Variants in CSMD1 observed in about 807,000 individuals in gnomAD.
CSMD1 encodes CUB and sushi domain-containing protein 1.
Under a neutral mutation model 417.5 loss-of-function variants are expected in CSMD1, and 213 were observed. The observed-to-expected ratio is 0.51, with a 90% CI of 0.46 to 0.57. The LOEUF (loss-of-function observed/expected upper bound fraction) is 0.57. Ranked by LOEUF, CSMD1 falls within the 20% of genes least tolerant of loss-of-function variation. CSMD1 has a pLI of 0.00. For synonymous variants in CSMD1, 2,862 were observed against 1,736.8 expected (o/e 1.65, Z -16.11); for missense variants, 6,923 against 4,529.7 (o/e 1.53, Z -15.17).
chr8:4,299,126 A>G (rs1005098713), intron 3 of CSMD1, among the ~76,000 whole-genome samples: 5 of 152,200 alleles, frequency 3.3e-5, no homozygotes, highest in South Asian at 2.1e-4. Context: ...GAAAACATTA[A>G]AAGATCTTGC....
chr8:3,691,658 A>T (rs2129032977), intron 7 of CSMD1, among the ~76,000 whole-genome samples: 1 of 152,326 alleles, frequency 6.6e-6, no homozygotes, highest in South Asian at 2.1e-4. Context: ...CTTTCGTGGC[A>T]GGCACTGGGC....
chr8:3,684,675 G>A (rs1799854932), intron 7 of CSMD1, among the ~76,000 whole-genome samples: 2 of 147,434 alleles, frequency 1.4e-5, no homozygotes, highest in South Asian at 4.3e-4. Flanking sequence ...TCCGCTCACT[G>A]CTAGCTCCGC....
chr8:4,093,289 C>G (rs907989034), intron 3 of CSMD1, among the ~76,000 whole-genome samples: 1 of 152,042 alleles, frequency 6.6e-6, no homozygotes, highest in East Asian at 1.9e-4. Flanking sequence ...AATAATTTAT[C>G]CTATACAATT....
At chr8:4,731,786 T>C (rs1290684304) in intron 1 of CSMD1, among the ~76,000 whole-genome samples, 3 of 152,134 alleles carry the variant, frequency 2.0e-5, no homozygotes, top group Admixed American at 2.0e-4. Context: ...TACCACCTAC[T>C]CTATTTATTT....
chr8:3,396,596 T>A (rs1035617619), intron 16 of CSMD1, among the ~76,000 whole-genome samples: 1 of 152,198 alleles, frequency 6.6e-6, no homozygotes, highest in South Asian at 2.1e-4. Flanking sequence ...TCTTATCTAA[T>A]ATTCTGTCTT....
intron 7 of CSMD1, among the ~76,000 whole-genome samples, chr8:3,676,119 A>G (rs1799361759): frequency 6.6e-6 from 1 of 152,230 alleles, no homozygotes; most frequent in Non-Finnish European, 1.5e-5. Flanking sequence ...AATGCTTGTT[A>G]TAAGATACTA....
chr8:3,734,495 G>A (rs576752348), intron 6 of CSMD1, among the ~76,000 whole-genome samples: 2 of 152,322 alleles, frequency 1.3e-5, no homozygotes, highest in Non-Finnish European at 1.5e-5. Context: ...TGGATCCCTT[G>A]ACGTCAGGAG....
chr8:4,555,580 A>G (rs1488410474), intron 2 of CSMD1, among the ~76,000 whole-genome samples: 1 of 152,102 alleles, frequency 6.6e-6, no homozygotes, highest in African/African-American at 2.4e-5. Context: ...GATCATTGAT[A>G]CCTCACTTTG....
Position 3,973,055 on chromosome 8 carries a change from G to A in CSMD1, c.818+24848C>T, listed in dbSNP as rs376458329. 1.4e-4 allele frequency among the ~76,000 whole-genome samples: 22 copies of A among 152,332 alleles called. No homozygotes were observed. In the South Asian group the frequency reaches 3.9e-3, roughly 27 times the overall value. On this transcript the variant is annotated intron_variant, in intron 5 of 69. Transcript: ENST00000635120. ...TACCAATAAGATCACAGATAAGTGT[G>A]CTTTGATAACAAATGTTTGTTTTAC...
intron 17 of CSMD1, among the ~76,000 whole-genome samples, chr8:3,392,896 G>A (rs575083969): frequency 5.1e-4 from 78 of 152,130 alleles, no homozygotes; most frequent in African/African-American, 1.9e-3. Flanking sequence ...CTGGTATTCA[G>A]GCATTGGTTT....
In CSMD1 at chr8:3,243,816, ATTATAT is replaced by A. The variant is rs200045701; in HGVS notation, c.4154-13591_4154-13586del. Among the ~76,000 whole-genome samples, 1,511 of 151,248 alleles carry A rather than the reference ATTATAT, an allele frequency of 1.0e-2. 26 individuals are homozygous for A. Among genetic ancestry groups the A allele is most frequent in the African/African-American group, 0.035 (1,427 of 41,282 alleles). On this transcript the variant is annotated intron_variant, in intron 26 of 69. Coordinates refer to ENST00000635120, the MANE Select transcript of CSMD1 (RefSeq NM_033225.6). ...ATTTATATATAATTATATGATGAAT[ATTATAT>A]TTATATGTATATGCAAAGTTTTGTT...
At chr8:4,315,236 C>T (rs1389479169) in intron 3 of CSMD1, among the ~76,000 whole-genome samples, 1 of 152,156 alleles carries the variant, frequency 6.6e-6, no homozygotes, top group Non-Finnish European at 1.5e-5. Context: ...AAGCCCAGCT[C>T]TGGCTTGAAG....
At position 4,128,486 on chromosome 8, in the gene CSMD1, T is replaced by A. The variant is rs192788929; in HGVS notation, c.416-96387A>T. Reference sequence around the variant, plus strand: ...CACATGCTCTCCAAGGTTTAAAATTTAAAACAACCAAACAAACAAACACAT... The same window carrying A: ...CACATGCTCTCCAAGGTTTAAAATTAAAAACAACCAAACAAACAAACACAT... On this transcript the variant is annotated intron_variant, in intron 3 of 69. Transcript: ENST00000635120. Among the ~76,000 whole-genome samples, 3 of 152,206 alleles carry A rather than the reference T, an allele frequency of 2.0e-5. No homozygotes were observed. The East Asian group carries it at 5.8e-4, about 29-fold the overall frequency.
intron 3 of CSMD1, among the ~76,000 whole-genome samples, chr8:4,113,594 C>T (rs571287218): frequency 6.6e-6 from 1 of 152,076 alleles, no homozygotes; most frequent in South Asian, 2.1e-4. Context: ...TTAGTAGAGA[C>T]AGAGTTTCAC....
intron 3 of CSMD1, among the ~76,000 whole-genome samples, chr8:4,245,044 A>T (rs937981572): frequency 3.3e-5 from 5 of 152,198 alleles, no homozygotes; most frequent in Non-Finnish European, 5.9e-5. Context: ...ACCACCATTC[A>T]TTAGAAAATG....
At chr8:4,971,966 A>C (rs1810265548) in intron 1 of CSMD1, among the ~76,000 whole-genome samples, 1 of 152,098 alleles carries the variant, frequency 6.6e-6, no homozygotes, top group Admixed American at 6.6e-5. Flanking sequence ...GAAGGATAAT[A>C]AACAGGTGTT....
At chr8:4,668,937 A>T (rs182805335) in intron 1 of CSMD1, among the ~76,000 whole-genome samples, 81 of 151,970 alleles carry the variant, frequency 5.3e-4, no homozygotes, top group African/African-American at 1.8e-3. Flanking sequence ...TTTCTAATTC[A>T]TCTATTATTT....
chr8:3,110,009 C>T, intron 43 of CSMD1, 149 bp downstream of exon 43: 1 of 670,814 alleles, frequency 1.5e-6, no homozygotes, highest in South Asian at 2.1e-5. Context: ...AATTGATTCC[C>T]TATATCTCTG....
chr8:4,407,169 T>C (rs1805086851), intron 3 of CSMD1, among the ~76,000 whole-genome samples: 1 of 152,204 alleles, frequency 6.6e-6, no homozygotes, highest in Non-Finnish European at 1.5e-5. Flanking sequence ...TCTGGCCCTT[T>C]ACCAAAGAAG....
Sources: allele counts gnomAD v4.1 joint callset (sites outside exome capture counted in the v4.1 genomes callset), GRCh38; gene constraint gnomAD v4.1.1; transcripts MANE v1.5; gene names NCBI Gene and HGNC (gene_info 2026-07-23, HGNC 2026-07-21).